Variants in LRP1B observed in about 807,000 individuals in gnomAD.
LRP1B encodes the protein LDL receptor related protein 1B.
A neutral mutation model predicts 556.6 loss-of-function variants in LRP1B; 217 were observed. The ratio of observed to expected loss-of-function variants is 0.39; its 90% confidence interval spans 0.35 to 0.44. The LOEUF (loss-of-function observed/expected upper bound fraction) is 0.44. LRP1B is among the 20% of genes least tolerant of loss of function. The pLI, the probability that LRP1B is intolerant of heterozygous loss-of-function variation, is 1.00. For missense variants in LRP1B, 5,053 were observed against 5,620.8 expected, an observed-to-expected ratio of 0.90 and a Z score of 3.23; for synonymous variants, 2,047 against 1,865.8, an observed-to-expected ratio of 1.10 and a Z score of -2.50.
intron 15 of LRP1B, among the ~76,000 whole-genome samples, chr2:140,997,208 A>C (rs576484531): frequency 6.6e-6 from 1 of 152,046 alleles, no homozygotes; most frequent in Non-Finnish European, 1.5e-5. Context: ...TTTTACACAT[A>C]CTGTGGTACC....
chr2:140,531,684 C>T (rs1558947816), intron 47 of LRP1B, among the ~76,000 whole-genome samples: 1 of 152,068 alleles, frequency 6.6e-6, no homozygotes, highest in East Asian at 1.9e-4. Flanking sequence ...ACTGTCTTTA[C>T]TCCCTTACCA....
chr2:141,366,954 C>T (rs1036253372), intron 3 of LRP1B, among the ~76,000 whole-genome samples: 13 of 152,104 alleles, frequency 8.5e-5, no homozygotes, highest in Admixed American at 3.9e-4. Flanking sequence ...GAAGATGACA[C>T]GGGAAGGGAA....
intron 3 of LRP1B, among the ~76,000 whole-genome samples, chr2:141,310,157 T>C (rs1036225175): frequency 6.6e-6 from 1 of 152,088 alleles, no homozygotes; most frequent in Non-Finnish European, 1.5e-5. Context: ...TACTACAACA[T>C]AAAAGATTGT....
chr2:142,073,362 A>G (rs1442823660), intron 1 of LRP1B, among the ~76,000 whole-genome samples: 1 of 152,108 alleles, frequency 6.6e-6, no homozygotes, highest in East Asian at 1.9e-4. Flanking sequence ...TAATTTTTCT[A>G]AAGACCTAAT....
intron 41 of LRP1B, among the ~76,000 whole-genome samples, chr2:140,667,681 C>T (rs906579720): frequency 6.6e-6 from 1 of 152,106 alleles, no homozygotes; most frequent in Non-Finnish European, 1.5e-5. Context: ...TATTTTTATT[C>T]TTTTTAGCAC....
At chr2:141,805,932 G>A (rs1335733849) in intron 2 of LRP1B, among the ~76,000 whole-genome samples, 6 of 152,068 alleles carry the variant, frequency 3.9e-5, no homozygotes, top group African/African-American at 1.4e-4. Context: ...GTTGGTCAAT[G>A]AGTCATTATG....
chr2:140,980,901 A>G (rs1246588622), intron 18 of LRP1B, among the ~76,000 whole-genome samples: 1 of 152,248 alleles, frequency 6.6e-6, no homozygotes, highest in African/African-American at 2.4e-5. Context: ...ACCATGGAAT[A>G]CTACTCAGCC....
chr2:142,094,195 G>A (rs1706276073), intron 1 of LRP1B, among the ~76,000 whole-genome samples: 1 of 152,066 alleles, frequency 6.6e-6, no homozygotes, highest in Admixed American at 6.6e-5. Context: ...TCATATAGGA[G>A]ACTAGATTTA....
intron 2 of LRP1B, among the ~76,000 whole-genome samples, chr2:141,699,658 A>C (rs754121393): frequency 1.5e-4 from 22 of 151,494 alleles, no homozygotes; most frequent in Non-Finnish European, 2.4e-4. Context: ...CCTTCCAGCC[A>C]AAAGTTCTAT....
chr2:141,697,185 C>A (rs775500645), intron 2 of LRP1B, among the ~76,000 whole-genome samples: 1 of 151,730 alleles, frequency 6.6e-6, no homozygotes, highest in Non-Finnish European at 1.5e-5. Flanking sequence ...ATAAAACAGC[C>A]GTTTCTTCTC....
Position 141,059,040 on chromosome 2 carries a change from A to G in LRP1B, c.1251T>C (p.Tyr417=), listed in dbSNP as rs548328547. 3.0e-5 allele frequency: 47 copies of G among 1,558,418 alleles called. No individual in the cohort carries two copies. Among genetic ancestry groups the G allele is most frequent in the Non-Finnish European group, 4.0e-5 (46 of 1,151,772 alleles). ...VIQGRQVRHL[Y]GITVFEDYLY... Reference sequence around the variant, plus strand: ...AATAATCTTCAAACACAGTTATACCATAAAGATGTCTAACCTATAAAGAGG... The same window carrying G: ...AATAATCTTCAAACACAGTTATACCGTAAAGATGTCTAACCTATAAAGAGG... The change falls in exon 9 of 91, where the codon TAT becomes TAC. Residue 417 remains tyrosine (Y), a synonymous_variant. Coordinates refer to ENST00000389484, the MANE Select transcript of LRP1B (RefSeq NM_018557.3).
intron 35 of LRP1B, among the ~76,000 whole-genome samples, chr2:140,766,844 T>TATATATATAA (rs1491148843): frequency 3.6e-5 from 2 of 54,936 alleles, no homozygotes; most frequent in African/African-American, 1.2e-4. Context: ...TATATATATA[T>TATATATATAA]TATATATATA....
At chr2:141,874,847 G>A (rs1698705155) in intron 1 of LRP1B, among the ~76,000 whole-genome samples, 1 of 151,888 alleles carries the variant, frequency 6.6e-6, no homozygotes, top group Non-Finnish European at 1.5e-5. Context: ...ATGGCCAATG[G>A]ATTGTTTGAA....
intron 2 of LRP1B, among the ~76,000 whole-genome samples, chr2:141,634,606 G>A (rs2105353886): frequency 6.6e-6 from 1 of 151,914 alleles, no homozygotes. Context: ...ATGTGACTGT[G>A]CTTTATCTCA....
intron 3 of LRP1B, among the ~76,000 whole-genome samples, chr2:141,319,975 T>C (rs1687178478): frequency 6.6e-6 from 1 of 152,084 alleles, no homozygotes; most frequent in Non-Finnish European, 1.5e-5. Context: ...TTAATGCTCA[T>C]AAAAATTACC....
chr2:141,611,505 G>A (rs13431255), intron 2 of LRP1B, among the ~76,000 whole-genome samples: 52,094 of 152,000 alleles, frequency 0.34, 11,422 homozygotes, highest in African/African-American at 0.63. Context: ...AACCTGAGAA[G>A]AAAAGAGCGC....
At chr2:141,736,106 G>T (rs1251264477) in intron 2 of LRP1B, among the ~76,000 whole-genome samples, 2 of 152,094 alleles carry the variant, frequency 1.3e-5, no homozygotes, top group Non-Finnish European at 2.9e-5. Context: ...TTCCCAGAAA[G>T]AATAGAGGCT....
At chr2:141,589,680 T>C (rs763077137) in intron 2 of LRP1B, among the ~76,000 whole-genome samples, 1 of 152,216 alleles carries the variant, frequency 6.6e-6, no homozygotes, top group Non-Finnish European at 1.5e-5. Context: ...ACTTTGTGGT[T>C]GCAATTTGAT....
Position 140,358,976 on chromosome 2 carries a change from C to T in LRP1B, c.11132-30G>A, listed in dbSNP as rs755274826. On this transcript the variant is annotated intron_variant, in intron 72 of 90. Coordinates refer to ENST00000389484, the MANE Select transcript of LRP1B (RefSeq NM_018557.3). ...AGAAAAAGAAGAAAAAACAAAGAAG[C>T]TCCTTCGAGTACATTGCTTTATGAA... 5.0e-6 allele frequency: 8 copies of T among 1,597,524 alleles called. No individual in the cohort carries two copies. In the East Asian group the frequency reaches 1.4e-4, roughly 27 times the overall value.
Sources: gnomAD v4.1 joint callset for allele counts (sites outside exome capture counted in the v4.1 genomes callset) on GRCh38, gnomAD v4.1.1 for gene constraint, MANE v1.5 for transcripts, NCBI Gene and HGNC (gene_info 2026-07-23, HGNC 2026-07-21) for gene names.